Variants in ALK observed in about 807,000 individuals in gnomAD.
ALK encodes ALK receptor tyrosine kinase, also known as ALK tyrosine kinase receptor.
Under a neutral mutation model 163.1 loss-of-function variants are expected in ALK, and 74 were observed. The ratio of observed to expected loss-of-function variants is 0.45; its 90% CI spans 0.38 to 0.55. ALK has a LOEUF of 0.55. Among genes scored for constraint, ALK ranks in the 20% least tolerant of loss-of-function variants. The pLI, the probability that ALK is intolerant of heterozygous loss-of-function variation, is 0.00. For missense variants in ALK, 2,063 were observed against 2,105.3 expected, an observed-to-expected ratio of 0.98 and a Z score of 0.39; for synonymous variants, 960 against 843.2, an observed-to-expected ratio of 1.14 and a Z score of -2.40.
At chr2:29,413,750 C>A (rs973590613) in intron 4 of ALK, among the ~76,000 whole-genome samples, 2 of 152,148 alleles carry the variant, frequency 1.3e-5, no homozygotes, top group African/African-American at 2.4e-5. Context: ...CCAGGCTGGT[C>A]TCGAACTCCT....
intron 1 of ALK, among the ~76,000 whole-genome samples, chr2:29,857,290 T>G (rs1409164036): frequency 6.6e-6 from 1 of 152,108 alleles, no homozygotes; most frequent in Non-Finnish European, 1.5e-5. Flanking sequence ...ACTTAAAAGA[T>G]TCAGAGAGCT....
At chr2:29,419,666 G>C (rs1052800255) in intron 4 of ALK, among the ~76,000 whole-genome samples, 2 of 151,426 alleles carry the variant, frequency 1.3e-5, no homozygotes, top group East Asian at 1.9e-4. Flanking sequence ...TTTCATAAGG[G>C]AATGAATGAG....
Position 29,824,656 on chromosome 2 carries a change from T to C in ALK, c.667+95337A>G, listed in dbSNP as rs148774291. ...CACAGGGCCTGTAGCCCCTTTGTTT[T>C]GGTCAATTTCTTCCATTTGGAATGG... On this transcript the variant is annotated intron_variant, in intron 1 of 28. Transcript: ENST00000389048. Among the ~76,000 whole-genome samples the C allele has an allele frequency of 6.1e-3, 926 of 152,366 alleles. 3 individuals carry two copies. Among genetic ancestry groups the C allele is most frequent in the Non-Finnish European group, 8.2e-3 (555 of 68,034 alleles).
intron 3 of ALK, among the ~76,000 whole-genome samples, chr2:29,640,977 A>G (rs1676683930): frequency 6.6e-6 from 1 of 152,168 alleles, no homozygotes; most frequent in Non-Finnish European, 1.5e-5. Flanking sequence ...AGGTGTTAGA[A>G]TATTCCAGAA....
chr2:29,847,194 A>T (rs1285010726), intron 1 of ALK, among the ~76,000 whole-genome samples: 2 of 152,146 alleles, frequency 1.3e-5, no homozygotes, highest in Admixed American at 6.5e-5. Flanking sequence ...CTCATCTATG[A>T]ATAGGCAGCC....
At chr2:29,783,603 G>C (rs1663905717) in intron 1 of ALK, among the ~76,000 whole-genome samples, 1 of 152,206 alleles carries the variant, frequency 6.6e-6, no homozygotes, top group Admixed American at 6.5e-5. Context: ...CCTCAGTCCA[G>C]TCCAACAATA....
At chr2:29,560,623 G>A (rs1673994166) in intron 3 of ALK, among the ~76,000 whole-genome samples, 1 of 151,272 alleles carries the variant, frequency 6.6e-6, no homozygotes, top group African/African-American at 2.4e-5. Context: ...CCAGGCTGGA[G>A]TGCAGTGGCA....
intron 3 of ALK, among the ~76,000 whole-genome samples, chr2:29,586,322 G>A (rs1674886868): frequency 6.6e-6 from 1 of 151,488 alleles, no homozygotes. Flanking sequence ...AAATATGCTT[G>A]TGTTTCCATT....
At chr2:29,645,241 G>A (rs1043320284) in intron 3 of ALK, among the ~76,000 whole-genome samples, 1 of 152,124 alleles carries the variant, frequency 6.6e-6, no homozygotes, top group Non-Finnish European at 1.5e-5. Flanking sequence ...TCTGTTTAAT[G>A]AGAGTCTGGA....
intron 14 of ALK, among the ~76,000 whole-genome samples, 183 bp downstream of exon 14, chr2:29,233,382 G>A (rs186105137): frequency 8.3e-4 from 127 of 152,240 alleles, no homozygotes; most frequent in African/African-American, 3.0e-3. Context: ...CTGACCTCAA[G>A]TGATCCTCCT....
intron 3 of ALK, among the ~76,000 whole-genome samples, chr2:29,681,511 T>C (rs1027121282): frequency 8.5e-5 from 13 of 152,174 alleles, no homozygotes; most frequent in African/African-American, 3.1e-4. Flanking sequence ...GTCTTAAAAA[T>C]CTGGAGGAGG....
chr2:29,444,360 G>T (rs970052996), intron 4 of ALK, among the ~76,000 whole-genome samples: 1 of 151,534 alleles, frequency 6.6e-6, no homozygotes, highest in Non-Finnish European at 1.5e-5. Flanking sequence ...TGATGTAAAG[G>T]ACCTGCCCCG....
chr2:29,780,070 C>G (rs149840705), intron 1 of ALK, among the ~76,000 whole-genome samples: 6 of 152,356 alleles, frequency 3.9e-5, no homozygotes, highest in Non-Finnish European at 7.3e-5. Context: ...TGAGTATTGA[C>G]TCTGGATCTC....
chr2:29,855,346 G>A (rs1049046202), intron 1 of ALK, among the ~76,000 whole-genome samples: 3 of 152,078 alleles, frequency 2.0e-5, no homozygotes, highest in African/African-American at 7.2e-5. Context: ...TATTCCCACT[G>A]TACAGGGCTG....
intron 3 of ALK, among the ~76,000 whole-genome samples, chr2:29,648,373 C>T (rs1676945583): frequency 6.6e-6 from 1 of 152,062 alleles, no homozygotes; most frequent in Non-Finnish European, 1.5e-5. Flanking sequence ...CCATTTTACT[C>T]ATTTTTAAGT....
At chr2:29,745,911 A>G (rs1404957320) in intron 1 of ALK, among the ~76,000 whole-genome samples, 1 of 152,178 alleles carries the variant, frequency 6.6e-6, no homozygotes, top group Non-Finnish European at 1.5e-5. Flanking sequence ...TCTACTTTTT[A>G]CCTCAGAATG....
chr2:29,907,671 C>A (rs1275974026), intron 1 of ALK, among the ~76,000 whole-genome samples: 3 of 152,206 alleles, frequency 2.0e-5, no homozygotes, highest in African/African-American at 7.2e-5. Flanking sequence ...TCTTTCCTCT[C>A]TCTACGTCCT....
chr2:29,843,637 C>A (rs1665758228), intron 1 of ALK, among the ~76,000 whole-genome samples: 1 of 152,152 alleles, frequency 6.6e-6, no homozygotes, highest in Admixed American at 6.6e-5. Context: ...CCCTGGCCAA[C>A]AGCTTTGCAA....
At position 29,452,766 on chromosome 2, in the gene ALK, C is replaced by T. The variant is rs556655685; in HGVS notation, c.1155-68907G>A. On this transcript the variant is annotated intron_variant, in intron 4 of 28. Coordinates refer to ENST00000389048, the MANE Select transcript of ALK (RefSeq NM_004304.5). Reference sequence around the variant, plus strand: ...CATCACCAGTTACAAGACATTTTGACATGAGATGCCCACTTGATATGATGC... The same window carrying T: ...CATCACCAGTTACAAGACATTTTGATATGAGATGCCCACTTGATATGATGC... Among the ~76,000 whole-genome samples, 383 of 152,318 alleles carry T rather than the reference C, an allele frequency of 2.5e-3. 2 individuals are homozygous for T. The highest frequency in any genetic ancestry group is 8.7e-3 in the African/African-American group (363 of 41,566).
Sources: gnomAD v4.1 joint callset for allele counts (sites outside exome capture counted in the v4.1 genomes callset) on GRCh38, gnomAD v4.1.1 for gene constraint, MANE v1.5 for transcripts, NCBI Gene and HGNC (gene_info 2026-07-23, HGNC 2026-07-21) for gene names.